Variants in IQSEC1 observed in about 807,000 individuals in gnomAD.
The protein encoded by IQSEC1 is IQ motif and Sec7 domain ArfGEF 1.
IQSEC1 carries 31 observed loss-of-function variants against 91.0 expected under a neutral mutation model. That is an observed-to-expected ratio of 0.34 (90% CI 0.26 to 0.46). The LOEUF is 0.46. IQSEC1 is among the 20% of genes least tolerant of loss of function. The probability of loss-of-function intolerance (pLI) is 1.00; values close to 1 mark genes in which losing one functional copy is unlikely to be tolerated. For synonymous variants in IQSEC1, 699 were observed against 662.6 expected (o/e 1.05, Z -0.84); for missense variants, 1,388 against 1,575.6 (o/e 0.88, Z 2.02).
intron 13 of IQSEC1, 89 bp downstream of exon 13, chr3:12,902,670 CAAAAAAAAAAAAAA>C (rs1213830618): frequency 2.6e-5 from 5 of 192,650 alleles, no homozygotes; most frequent in Non-Finnish European, 4.5e-5. Context: ...AAAAAAAAAC[CAAAAAAAAAAAAAA>C]AAAAAAAAAA....
chr3:12,905,209 C>T (rs1694841421), intron 12 of IQSEC1, among the ~76,000 whole-genome samples: 1 of 152,262 alleles, frequency 6.6e-6, no homozygotes, highest in African/African-American at 2.4e-5. Context: ...CAGGCCAAGC[C>T]AGCCCTGGGC....
intron 2 of IQSEC1, among the ~76,000 whole-genome samples, chr3:13,150,221 A>C (rs1706970860): frequency 6.6e-6 from 1 of 152,230 alleles, no homozygotes; most frequent in African/African-American, 2.4e-5. Context: ...CCTTTTCTCC[A>C]AAACTGCAGG....
In IQSEC1 at chr3:13,219,194, C is replaced by T. The variant is rs138830214; in HGVS notation, c.273-55061G>A. On this transcript the variant is annotated intron_variant, in intron 1 of 15. Transcript: ENST00000648114. The stretch of plus-strand genomic sequence containing the variant: ...CTCCAAAAGCTCAGTCCATCCACCT[C>T]ACCAGCAGGCCCTGGCTGAGCCATG... Among the ~76,000 whole-genome samples the T allele has an allele frequency of 3.5e-3, 528 of 152,330 alleles. 5 individuals are homozygous for T. Among genetic ancestry groups the T allele is most frequent in the African/African-American group, 0.012 (486 of 41,568 alleles).
chr3:13,150,048 A>C (rs1023442249), intron 2 of IQSEC1, among the ~76,000 whole-genome samples: 10 of 152,214 alleles, frequency 6.6e-5, no homozygotes, highest in Non-Finnish European at 1.5e-4. Flanking sequence ...TCCGACCTGC[A>C]GTGCCCTATT....
intron 9 of IQSEC1, among the ~76,000 whole-genome samples, chr3:12,912,399 G>C (rs1695646198): frequency 6.6e-6 from 1 of 152,204 alleles, no homozygotes; most frequent in Non-Finnish European, 1.5e-5. Context: ...TTACAGAGGA[G>C]GAAACTGAGG....
intron 2 of IQSEC1, among the ~76,000 whole-genome samples, chr3:13,088,880 C>A (rs968004131): frequency 5.9e-5 from 9 of 152,260 alleles, no homozygotes; most frequent in Admixed American, 4.6e-4. Context: ...CTCCAAAACA[C>A]CTCCTGCTAG....
chr3:13,254,053 A>T (rs1484535559), intron 1 of IQSEC1, among the ~76,000 whole-genome samples: 1 of 152,238 alleles, frequency 6.6e-6, no homozygotes, highest in Non-Finnish European at 1.5e-5. Flanking sequence ...CCACTGTCGC[A>T]TCTGAGGACA....
chr3:13,168,683 C>T (rs147679172), intron 1 of IQSEC1, among the ~76,000 whole-genome samples: 142 of 152,304 alleles, frequency 9.3e-4, no homozygotes, highest in African/African-American at 3.2e-3. Context: ...CAGCCAAGCT[C>T]CCCAACACCA....
chr3:13,017,606 C>T (rs541951758), intron 1 of IQSEC1, among the ~76,000 whole-genome samples: 13 of 152,300 alleles, frequency 8.5e-5, no homozygotes, highest in African/African-American at 1.2e-4. Flanking sequence ...ACAGGGTGGG[C>T]GCTAGCTGGC....
intron 1 of IQSEC1, among the ~76,000 whole-genome samples, chr3:13,170,591 G>A (rs955247352): frequency 2.6e-5 from 4 of 152,236 alleles, no homozygotes; most frequent in Admixed American, 6.5e-5. Context: ...CCACAGGGAC[G>A]GAGCTTCCAG....
chr3:13,015,762 C>T (rs554332070), intron 1 of IQSEC1: 4 of 984,154 alleles, frequency 4.1e-6, no homozygotes, highest in Admixed American at 6.1e-5. Context: ...CTGGGGCCCC[C>T]GCCCACCTGC....
At position 13,117,275 on chromosome 3, in the gene IQSEC1, C is replaced by T. The variant is rs1202288612; in HGVS notation, c.302+46829G>A. ...AATCAAAACCACAATGAGATACCAC[C>T]TAACAGGTCATTAGAAAAAAAAAAA... On this transcript the variant is annotated intron_variant, in intron 2 of 15. Coordinates refer to the IQSEC1 transcript ENST00000648114. 2.3e-5 allele frequency among the ~76,000 whole-genome samples: 3 copies of T among 128,698 alleles called. No individual in the cohort carries two copies. In the East Asian group the frequency reaches 7.4e-4, roughly 32 times the overall value. 84.4% of individuals were successfully genotyped at this position (128,698 alleles called of 152,430 possible).
intron 2 of IQSEC1, among the ~76,000 whole-genome samples, chr3:13,102,077 A>C (rs1457511243): frequency 6.6e-6 from 1 of 151,142 alleles, no homozygotes; most frequent in Non-Finnish European, 1.5e-5. Flanking sequence ...CAGGAGTTTG[A>C]GACCAGCCTG....
chr3:13,196,842 G>T (rs751821971), intron 1 of IQSEC1, among the ~76,000 whole-genome samples: 1 of 151,794 alleles, frequency 6.6e-6, no homozygotes, highest in South Asian at 2.1e-4. Flanking sequence ...AGAAGCAGCC[G>T]CAGGGGCTCT....
intron 1 of IQSEC1, among the ~76,000 whole-genome samples, chr3:12,958,436 A>C (rs1700051548): frequency 6.6e-6 from 1 of 152,172 alleles, no homozygotes; most frequent in Admixed American, 6.5e-5. Flanking sequence ...ATAAAATGGG[A>C]GTATTGTCCA....
rs768100015 is a variant in IQSEC1, at chr3:13,100,559, G to A, written c.303-53037C>T. Among the ~76,000 whole-genome samples the A allele has an allele frequency of 2.7e-5, 4 of 148,456 alleles. 1 individual carries two copies. ...AGCTAGAGTTGGGACAGCGGCGGGC[G>A]CCCAGGCAACTACAAGGTCACTGAT... On this transcript the variant is annotated intron_variant, in intron 2 of 15. Transcript: ENST00000648114.
At chr3:13,235,212 G>A (rs1694907439) in intron 1 of IQSEC1, among the ~76,000 whole-genome samples, 1 of 152,146 alleles carries the variant, frequency 6.6e-6, no homozygotes, top group South Asian at 2.1e-4. Context: ...GGGGCCTGGT[G>A]GGCCCCTCAG....
intron 2 of IQSEC1, among the ~76,000 whole-genome samples, chr3:13,094,873 G>C (rs537714235): frequency 6.6e-6 from 1 of 152,172 alleles, no homozygotes; most frequent in South Asian, 2.1e-4. Flanking sequence ...TACCTCCCCA[G>C]GCAAGGGATA....
At position 13,073,024 on chromosome 3, in the gene IQSEC1, A is replaced by T; in HGVS notation, c.-10T>A. On this transcript the variant is annotated 5_prime_UTR_variant, in exon 1 of 14. Transcript: ENST00000613206. ...GTCTTCTGCAAGCCATCCTGTGTGAATCCGTTCTTCCCTGTTCTGGCTCCC... is the reference window on the plus strand; with the variant it reads ...GTCTTCTGCAAGCCATCCTGTGTGATTCCGTTCTTCCCTGTTCTGGCTCCC... The T allele has an allele frequency of 2.6e-6, 4 of 1,551,778 alleles. No individual in the cohort carries two copies. The highest frequency in any genetic ancestry group is 2.6e-6 in the Non-Finnish European group (3 of 1,147,004).
Sources: gnomAD v4.1 joint callset for allele counts (sites outside exome capture counted in the v4.1 genomes callset) on GRCh38, gnomAD v4.1.1 for gene constraint, MANE v1.5 for transcripts, NCBI Gene and HGNC (gene_info 2026-07-23, HGNC 2026-07-21) for gene names.